Variants in TMEM209 observed in about 807,000 individuals in gnomAD.
TMEM209 encodes testicular tissue protein Li 202.
A neutral mutation model predicts 76.2 loss-of-function variants in TMEM209; 65 were observed. The ratio of observed to expected loss-of-function variants is 0.85; its 90% confidence interval spans 0.70 to 1.05. The LOEUF is 1.05. Among genes scored for constraint, TMEM209 ranks in the 50% least tolerant of loss-of-function variants. TMEM209 has a pLI of 0.00. For missense variants in TMEM209, 623 were observed against 685.5 expected, an observed-to-expected ratio of 0.91 and a Z score of 1.02; for synonymous variants, 239 against 237.6, an observed-to-expected ratio of 1.01 and a Z score of -0.06.
intron 14 of TMEM209, among the ~76,000 whole-genome samples, chr7:130,168,216 A>G (rs1377933966): frequency 2.0e-5 from 3 of 152,210 alleles, no homozygotes; most frequent in African/African-American, 7.2e-5. Context: ...ATTTTCAATT[A>G]GAACCAAAAA....
intron 14 of TMEM209, among the ~76,000 whole-genome samples, chr7:130,169,433 A>T (rs1796991653): frequency 6.6e-6 from 1 of 152,178 alleles, no homozygotes; most frequent in Non-Finnish European, 1.5e-5. Flanking sequence ...CACTTAACTA[A>T]ATCTATCCAA....
intron 5 of TMEM209, among the ~76,000 whole-genome samples, chr7:130,198,920 T>C (rs1314611237): frequency 6.6e-6 from 1 of 152,232 alleles, no homozygotes; most frequent in Non-Finnish European, 1.5e-5. Flanking sequence ...TAAATTTTAC[T>C]GTTCCAATCT....
chr7:130,167,907 G>A (rs868175473), intron 14 of TMEM209, among the ~76,000 whole-genome samples: 2 of 152,186 alleles, frequency 1.3e-5, no homozygotes, highest in Middle Eastern at 3.4e-3. Context: ...ATGTTCGAAA[G>A]GTTAATAATT....
chr7:130,183,059 G>A (rs1258077164), intron 8 of TMEM209, among the ~76,000 whole-genome samples: 1 of 152,138 alleles, frequency 6.6e-6, no homozygotes, highest in African/African-American at 2.4e-5. Flanking sequence ...TGGTCACCTA[G>A]GGACTTCAGA....
chr7:130,193,322 G>T (rs2117016305), intron 5 of TMEM209, among the ~76,000 whole-genome samples: 1 of 152,188 alleles, frequency 6.6e-6, no homozygotes, highest in Non-Finnish European at 1.5e-5. Context: ...GAGGTGGGCG[G>T]ATCACCTGAG....
At position 130,201,863 on chromosome 7, in the gene TMEM209, C is replaced by A; in HGVS notation, c.560G>T (p.Ser187Ile). 1 of 1,613,946 alleles carries A rather than the reference C, an allele frequency of 6.2e-7. No individual in the cohort carries two copies. Among genetic ancestry groups the A allele is most frequent in the Non-Finnish European group, 8.5e-7 (1 of 1,179,886 alleles). ...YSPGVTYSPV[S>I]GYNKLASFSP... ...GAGAGTCATTACCTTATTATAACCA[C>A]TGACGGGCGAGTAGGTCACTCCAGG... Residue 187 changes from serine (S) to isoleucine (I), a missense_variant, in exon 5 of 15, where the codon AGT becomes ATT. By Grantham distance (142) the Ser-to-Ile change is moderately radical. Transcript: ENST00000397622.
At chr7:130,191,232 A>T (rs768352507) in intron 6 of TMEM209, among the ~76,000 whole-genome samples, 1 of 151,874 alleles carries the variant, frequency 6.6e-6, no homozygotes, top group Non-Finnish European at 1.5e-5. Flanking sequence ...TAAGAGATAA[A>T]GATAAGTGGC....
At chr7:130,185,053 T>A in intron 7 of TMEM209, 139 bp downstream of exon 7, 1 of 996,508 alleles carries the variant, frequency 1.0e-6, no homozygotes, top group South Asian at 1.9e-5. Flanking sequence ...AGACAGGAGC[T>A]TTCCCACTGC....
At position 130,201,888 on chromosome 7, in the gene TMEM209, G is replaced by T. The variant is rs2117037518; in HGVS notation, c.535C>A (p.Pro179Thr). Residue 179 changes from proline to threonine, a missense_variant, in exon 5 of 15, where the codon CCT becomes ACT. By Grantham distance (38) the Pro-to-Thr change is conservative. Coordinates refer to ENST00000397622, the MANE Select transcript of TMEM209 (RefSeq NM_032842.4). ...CTGACGGGCGAGTAGGTCACTCCAG[G>T]GCTATAAGAACCACTGCCACCTGAG... ...LSSGGSGSYS[P>T]GVTYSPVSGY... 1 of 1,613,824 alleles carries T rather than the reference G, an allele frequency of 6.2e-7. No individual in the cohort carries two copies. Among genetic ancestry groups the T allele is most frequent in the African/African-American group, 1.3e-5 (1 of 74,968 alleles).
chr7:130,177,102 C>T (rs1182204093), intron 10 of TMEM209, among the ~76,000 whole-genome samples: 1 of 151,350 alleles, frequency 6.6e-6, no homozygotes. Context: ...CCTGTAATCC[C>T]AGCACTTTAG....
intron 6 of TMEM209, among the ~76,000 whole-genome samples, chr7:130,191,627 G>GAA (rs1797799633): frequency 1.3e-5 from 2 of 150,658 alleles, no homozygotes. Context: ...TAACTTAGGA[G>GAA]AAAAAAAAGG....
At chr7:130,205,146 C>T (rs969177062) in intron 1 of TMEM209, 35 of 1,457,654 alleles carry the variant, frequency 2.4e-5, no homozygotes, top group Admixed American at 2.5e-5. Context: ...ATAGCTTTCG[C>T]GCCACTCAGC....
intron 14 of TMEM209, among the ~76,000 whole-genome samples, chr7:130,169,806 C>A (rs1343436201): frequency 1.3e-5 from 2 of 152,072 alleles, no homozygotes; most frequent in Non-Finnish European, 2.9e-5. Context: ...GGTTTTCCGA[C>A]TCCCAGATCA....
intron 7 of TMEM209, 82 bp downstream of exon 7, chr7:130,185,110 A>G: frequency 7.0e-7 from 1 of 1,431,426 alleles, no homozygotes; most frequent in East Asian, 2.4e-5. Context: ...ATGGAAGATT[A>G]CAGAAAAAAT....
At chr7:130,173,755 T>G in intron 12 of TMEM209, 26 bp from the exon 13 acceptor site, 2 of 1,610,290 alleles carry the variant, frequency 1.2e-6, no homozygotes, top group Admixed American at 3.3e-5. Context: ...ATATGCTGCA[T>G]TAAAAAACCA....
Position 130,202,100 on chromosome 7 carries a change from A to G in TMEM209, c.332-9T>C, listed in dbSNP as rs763931653. The G allele has an allele frequency of 7.4e-5, 113 of 1,528,124 alleles. No individual in the cohort carries two copies. The East Asian group carries it at 2.5e-3, about 33-fold the overall frequency. 94.7% of individuals were successfully genotyped at this position (1,528,124 alleles called of 1,614,324 possible). A position where few individuals can be genotyped will look rare whatever the true frequency, so the allele number is the denominator to read the frequency against. ...AGGCGTAGTCTGTACAACTAGAAGGAAAAAAAAAGCAACATATGTGTATGT... is the reference window on the plus strand; with the variant it reads ...AGGCGTAGTCTGTACAACTAGAAGGGAAAAAAAAGCAACATATGTGTATGT... On this transcript the variant is annotated splice_polypyrimidine_tract_variant and intron_variant, in intron 4 of 14. Coordinates refer to ENST00000397622, the MANE Select transcript of TMEM209 (RefSeq NM_032842.4).
intron 5 of TMEM209, among the ~76,000 whole-genome samples, chr7:130,193,076 A>G (rs575967687): frequency 1.8e-4 from 27 of 152,316 alleles, no homozygotes; most frequent in African/African-American, 6.3e-4. Context: ...CGAACTAGTA[A>G]TTGTGCTCCT....
Position 130,201,910 on chromosome 7 carries a change from T to A in TMEM209, c.513A>T (p.Ser171=). 2 of 1,613,922 alleles carry A rather than the reference T, an allele frequency of 1.2e-6. No homozygotes were observed. The highest frequency in any genetic ancestry group is 1.7e-6 in the Non-Finnish European group (2 of 1,179,868). ...CAGGGCTATAAGAACCACTGCCACC[T>A]GAGGACAGACCTTGCAGCTGAGGGC... ...GYSPQLQGLS[S]GGSGSYSPGV... The change falls in exon 5 of 15, where the codon TCA becomes TCT. Residue 171 remains serine, a synonymous_variant. Coordinates refer to ENST00000397622, the MANE Select transcript of TMEM209 (RefSeq NM_032842.4).
intron 10 of TMEM209, among the ~76,000 whole-genome samples, chr7:130,177,967 G>A (rs1797293563): frequency 6.6e-6 from 1 of 152,140 alleles, no homozygotes; most frequent in African/African-American, 2.4e-5. Context: ...GAATTGCTCT[G>A]TAAGTAGAGA....
Sources: allele counts gnomAD v4.1 joint callset (sites outside exome capture counted in the v4.1 genomes callset), GRCh38; gene constraint gnomAD v4.1.1; transcripts MANE v1.5; gene names NCBI Gene and HGNC (gene_info 2026-07-23, HGNC 2026-07-21).